Variants in TMCC1 observed in about 807,000 individuals in gnomAD.
TMCC1 encodes transmembrane and coiled-coil domains protein 1.
A neutral mutation model predicts 52.4 loss-of-function variants in TMCC1; 15 were observed. The ratio of observed to expected loss-of-function variants is 0.29; its 90% CI spans 0.19 to 0.44. The LOEUF (loss-of-function observed/expected upper bound fraction) is 0.44. Ranked by LOEUF, TMCC1 falls within the 20% of genes least tolerant of loss-of-function variation. The pLI is 1.00. For synonymous variants in TMCC1, 279 were observed against 301.9 expected (o/e 0.92, Z 0.79); for missense variants, 503 against 806.0 (o/e 0.62, Z 4.55).
intron 4 of TMCC1, among the ~76,000 whole-genome samples, chr3:129,755,484 A>G (rs965647705): frequency 6.6e-6 from 1 of 152,202 alleles, no homozygotes; most frequent in Non-Finnish European, 1.5e-5. Flanking sequence ...GGGAGAAAAT[A>G]TTTGCAAATC....
At chr3:129,812,805 A>G (rs1477010480) in intron 4 of TMCC1, among the ~76,000 whole-genome samples, 2 of 152,202 alleles carry the variant, frequency 1.3e-5, no homozygotes, top group Admixed American at 1.3e-4. Context: ...ATTGCAACAA[A>G]ACCAAAAATA....
At chr3:129,818,325 TTTTTAAAGAAAAGTTTTAAAGAAAC>T (rs1469044729) in intron 4 of TMCC1, among the ~76,000 whole-genome samples, 16 of 152,104 alleles carry the variant, frequency 1.1e-4, no homozygotes, top group Admixed American at 9.2e-4. Flanking sequence ...TTTAAAGAAA[TTTTTAAAGAAAAGTTTTAAAGAAAC>T]TTTTAAAGAA....
At chr3:129,679,447 A>C (rs1358957285) in intron 4 of TMCC1, among the ~76,000 whole-genome samples, 1 of 152,128 alleles carries the variant, frequency 6.6e-6, no homozygotes, top group East Asian at 1.9e-4. Context: ...CTGGGACTAC[A>C]GGTGCGCACC....
intron 4 of TMCC1, chr3:129,688,712 T>A (rs2089594774): frequency 1.0e-6 from 1 of 985,372 alleles, no homozygotes; most frequent in Non-Finnish European, 1.2e-6. Flanking sequence ...GCACGCAGTT[T>A]GCTAGAGCAG....
chr3:129,712,644 A>G (rs1223244771), intron 4 of TMCC1, among the ~76,000 whole-genome samples: 2 of 151,792 alleles, frequency 1.3e-5, no homozygotes, highest in Non-Finnish European at 2.9e-5. Flanking sequence ...GTAGAGACAG[A>G]GACTCACTCT....
At chr3:129,853,530 A>G (rs936912674) in intron 2 of TMCC1, among the ~76,000 whole-genome samples, 1 of 151,510 alleles carries the variant, frequency 6.6e-6, no homozygotes, top group African/African-American at 2.4e-5. Flanking sequence ...TCAGGAGGCT[A>G]AGGCAGGAGG....
intron 2 of TMCC1, among the ~76,000 whole-genome samples, chr3:129,850,137 GTTC>G (rs2059852253): frequency 6.6e-6 from 1 of 152,056 alleles, no homozygotes; most frequent in African/African-American, 2.4e-5. Context: ...ATCAATTCAT[GTTC>G]TTCTACTTAT....
rs914840977 is a variant in TMCC1, at chr3:129,808,933, A to C, written c.576+18870T>G. 6.6e-5 allele frequency among the ~76,000 whole-genome samples: 10 copies of C among 151,238 alleles called. 1 individual carries two copies. The East Asian group carries it at 7.7e-4, about 12-fold the overall frequency. On this transcript the variant is annotated intron_variant, in intron 4 of 6. Transcript: ENST00000393238. ...GTTAGATATGCTGGAAAAAAAAAAA[A>C]AAAAACAAAGAAACTTGTTTCTGAG...
chr3:129,817,356 G>A (rs565632462), intron 4 of TMCC1, among the ~76,000 whole-genome samples: 1 of 152,162 alleles, frequency 6.6e-6, no homozygotes, highest in South Asian at 2.1e-4. Flanking sequence ...GGCTGAGGTG[G>A]GAGGATCGCT....
chr3:129,847,765 A>G (rs2059732482), intron 2 of TMCC1: 1 of 152,228 alleles, frequency 6.6e-6, no homozygotes, highest in Non-Finnish European at 1.5e-5. Context: ...CTTCCAAAGT[A>G]GTTGATCCAT....
intron 4 of TMCC1, among the ~76,000 whole-genome samples, chr3:129,735,891 T>C (rs2050919868): frequency 6.6e-6 from 1 of 152,134 alleles, no homozygotes; most frequent in Non-Finnish European, 1.5e-5. Context: ...AGTGATTTCG[T>C]TCAAAGCTGC....
chr3:129,890,739 T>C (rs752128652), intron 1 of TMCC1, among the ~76,000 whole-genome samples: 26 of 152,242 alleles, frequency 1.7e-4, no homozygotes, highest in Non-Finnish European at 3.2e-4. Context: ...CAGCCTTTCA[T>C]ATTCGTAAGA....
chr3:129,762,607 T>C (rs954034470), intron 4 of TMCC1, among the ~76,000 whole-genome samples: 1 of 151,690 alleles, frequency 6.6e-6, no homozygotes, highest in Non-Finnish European at 1.5e-5. Flanking sequence ...AAGCAACATA[T>C]TGAAACGTCA....
At chr3:129,832,233 G>T (rs1382618169) in intron 3 of TMCC1, among the ~76,000 whole-genome samples, 1 of 152,134 alleles carries the variant, frequency 6.6e-6, no homozygotes, top group African/African-American at 2.4e-5. Context: ...TTTTTGGTAA[G>T]AAGGAAATGC....
chr3:129,778,640 G>T (rs573088303), intron 4 of TMCC1, among the ~76,000 whole-genome samples: 29 of 150,164 alleles, frequency 1.9e-4, no homozygotes, highest in African/African-American at 6.9e-4. Context: ...CACATGTTAG[G>T]GGAGGGACCT....
chr3:129,676,267 GAATTTGTAATT>G (rs2108903680), intron 4 of TMCC1, among the ~76,000 whole-genome samples: 1 of 152,130 alleles, frequency 6.6e-6, no homozygotes, highest in African/African-American at 2.4e-5. Context: ...GCTGATATTA[GAATTTGTAATT>G]AATTTGTATA....
intron 4 of TMCC1, among the ~76,000 whole-genome samples, chr3:129,735,260 T>A (rs1465997356): frequency 6.6e-6 from 1 of 152,190 alleles, no homozygotes; most frequent in Admixed American, 6.5e-5. Context: ...AGAACATATA[T>A]ACATTACATT....
intron 4 of TMCC1, among the ~76,000 whole-genome samples, chr3:129,810,432 C>T (rs769107983): frequency 1.3e-5 from 2 of 152,184 alleles, no homozygotes; most frequent in Admixed American, 1.3e-4. Context: ...GTAATTTATA[C>T]TGTGGCCTAA....
chr3:129,748,661 C>A (rs551848101), intron 4 of TMCC1, among the ~76,000 whole-genome samples: 1 of 152,134 alleles, frequency 6.6e-6, no homozygotes, highest in Admixed American at 6.5e-5. Flanking sequence ...TTTCATAAAT[C>A]ATTATAGTAG....
Sources: gnomAD v4.1 joint callset for allele counts (sites outside exome capture counted in the v4.1 genomes callset) on GRCh38, gnomAD v4.1.1 for gene constraint, MANE v1.5 for transcripts, NCBI Gene and HGNC (gene_info 2026-07-23, HGNC 2026-07-21) for gene names.